Variants in RPUSD1 observed in about 807,000 individuals in gnomAD.
RPUSD1 encodes pseudouridylate synthase RPUSD1.
Under a neutral mutation model 22.4 loss-of-function variants are expected in RPUSD1, and 28 were observed. The ratio of observed to expected loss-of-function variants is 1.25; its 90% confidence interval spans 0.93 to 1.72. The LOEUF (loss-of-function observed/expected upper bound fraction) is 1.72. Among genes scored for constraint, RPUSD1 ranks in the 40% most tolerant of loss-of-function variants. The probability of loss-of-function intolerance (pLI) is 0.00; values close to 1 mark genes in which losing one functional copy is unlikely to be tolerated. For synonymous variants in RPUSD1, 298 were observed against 201.0 expected, an observed-to-expected ratio of 1.48 and a Z score of -4.08; for missense variants, 596 against 442.2, an observed-to-expected ratio of 1.35 and a Z score of -3.12.
chr16:787,840 T>C, intron 1 of RPUSD1, 96 bp from the exon 2 acceptor site: 1 of 1,350,148 alleles, frequency 7.4e-7, no homozygotes, highest in East Asian at 2.4e-5. Flanking sequence ...CGGGCTCCGG[T>C]GCGAAGCCAC....
chr16:785,919 G>A lies in RPUSD1; in HGVS notation c.*31C>T. ...CATCTCCCTAGAGTCCCGCTGTGCA[G>A]CTGACACCCCCTGCCCCAGCCCCAC... On this transcript the variant is annotated 3_prime_UTR_variant, in exon 6 of 6. Coordinates refer to ENST00000007264, the MANE Select transcript of RPUSD1 (RefSeq NM_058192.3). The A allele has an allele frequency of 1.4e-6, 2 of 1,422,136 alleles. No homozygotes were observed. The highest frequency in any genetic ancestry group is 1.8e-6 in the Non-Finnish European group (2 of 1,089,392). 88.1% of individuals were successfully genotyped at this position (1,422,136 alleles called of 1,614,324 possible).
In RPUSD1 at chr16:785,065, T is replaced by C. The variant is rs1261453096; in HGVS notation, c.*885A>G. 2 of 152,156 alleles carry C rather than the reference T, an allele frequency of 1.3e-5. No individual in the cohort carries two copies. The highest frequency in any genetic ancestry group is 4.8e-5 in the African/African-American group (2 of 41,368). 9.4% of individuals were successfully genotyped at this position (152,156 alleles called of 1,614,324 possible). A position where few individuals can be genotyped will look rare whatever the true frequency, so the allele number is the denominator to read the frequency against. The stretch of plus-strand genomic sequence containing the variant: ...GTTGTGGCATGGGGGACAGAGGAGG[T>C]GGGACCTGGCAGACCCACAGCTCCC... On this transcript the variant is annotated 3_prime_UTR_variant, in exon 6 of 6. Transcript: ENST00000007264.
In RPUSD1 at chr16:787,134, T is replaced by C. The variant is rs1024617692; in HGVS notation, c.352A>G (p.Ile118Val). The change falls in exon 4 of 6, where the codon ATT (isoleucine) becomes GTT (valine). Residue 118 changes from isoleucine (I) to valine (V), a missense_variant. Transcript: ENST00000007264. The stretch of plus-strand genomic sequence containing the variant: ...CGGCCCTCCGTGCTGTTCCTGCCAA[T>C]GGCATGGCTGATGGTTACCCGGCTC... Reference protein sequence around the residue: ...QESRVTISHAIGRNSTEGRAH... With the variant: ...QESRVTISHAVGRNSTEGRAH... The C allele has an allele frequency of 1.2e-6, 2 of 1,608,630 alleles. No individual in the cohort carries two copies. The highest frequency in any genetic ancestry group is 1.7e-6 in the Non-Finnish European group (2 of 1,179,600).
rs1336226258 is a variant in RPUSD1, at chr16:785,428, T to C, written c.*522A>G. 1 of 153,620 alleles carries C rather than the reference T, an allele frequency of 6.5e-6. No individual in the cohort carries two copies. The highest frequency in any genetic ancestry group is 6.5e-5 in the Admixed American group (1 of 15,340). The allele number at this position is 153,620 out of a possible 1,614,324, so 9.5% of individuals were successfully genotyped here. A position where few individuals can be genotyped will look rare whatever the true frequency, so the allele number is the denominator to read the frequency against. ...GGGCGACAGGATCTGCACAGAGCAG[T>C]GAGGGGCAGAGGACGCAGGGACCAG... On this transcript the variant is annotated 3_prime_UTR_variant, in exon 6 of 6. Coordinates refer to ENST00000007264, the MANE Select transcript of RPUSD1 (RefSeq NM_058192.3).
Position 786,910 on chromosome 16 carries a change from G to C in RPUSD1, c.428C>G (p.Pro143Arg). The C allele has an allele frequency of 6.2e-7, 1 of 1,613,110 alleles. No individual in the cohort carries two copies. Among genetic ancestry groups the C allele is most frequent in the Non-Finnish European group, 8.5e-7 (1 of 1,179,728 alleles). ...CAGAACCACGAGATCTGTGAGGCTT[G>C]GCTTTGGGTTCTCACAACCTGGGGC... The part of the protein sequence containing the change: ...EGSQGCENPK[P>R]SLTDLVVLEH... The change falls in exon 5 of 6, where the codon CCA becomes CGA. Residue 143 changes from proline (P) to arginine (R), a missense_variant. Physicochemically the swap from Pro to Arg is moderately radical, Grantham distance 103. Transcript: ENST00000007264.
rs976952982 is a variant in RPUSD1, at chr16:787,394, C to T, written c.266G>A (p.Cys89Tyr). ...NKAAAGSAYR[C>Y]FKERRVTKAY... ...CTTGGTCACGCGCCGCTCCTTGAAG[C>T]ACCTGTACGCGCTGCCGGCGGCTGC... The change falls in exon 3 of 6, where the codon TGC (cysteine) becomes TAC (tyrosine). Residue 89 changes from cysteine (C) to tyrosine (Y), a missense_variant. Physicochemically the swap from Cys to Tyr is radical, Grantham distance 194. Transcript: ENST00000007264. 1.3e-6 allele frequency: 2 copies of T among 1,589,634 alleles called. No individual in the cohort carries two copies. The highest frequency in any genetic ancestry group is 1.4e-5 in the African/African-American group (1 of 74,056).
chr16:786,109 A>G lies in RPUSD1; in HGVS notation c.780T>C (p.Pro260=). ...GCCTGGGGCCCCTATCCTCGGGGTCAGGGTCGGGGGTGGCCCGTAAGGCCT... is the reference window on the plus strand; with the variant it reads ...GCCTGGGGCCCCTATCCTCGGGGTCGGGGTCGGGGGTGGCCCGTAAGGCCT... ...LVQALRATPD[P]DPEDRGPRPG... is the part of the protein sequence containing the mutation. Residue 260 remains proline, a synonymous_variant, in exon 6 of 6, where the codon CCT becomes CCC. Transcript: ENST00000007264. 1 of 1,589,510 alleles carries G rather than the reference A, an allele frequency of 6.3e-7. No individual in the cohort carries two copies. Among genetic ancestry groups the G allele is most frequent in the East Asian group, 2.3e-5 (1 of 44,260 alleles).
Position 787,472 on chromosome 16 carries a change from C to G in RPUSD1, c.188G>C (p.Cys63Ser). 2 of 1,587,152 alleles carry G rather than the reference C, an allele frequency of 1.3e-6. No homozygotes were observed. Among genetic ancestry groups the G allele is most frequent in the Non-Finnish European group, 1.7e-6 (2 of 1,166,928 alleles). Reference protein sequence around the residue: ...DPDTCYGFRFCHQLDFSTSGA... With the variant: ...DPDTCYGFRFSHQLDFSTSGA... ...GCTGGTGGAGAAATCCAGCTGGTGG[C>G]AGAACCTGGAGTGGGACAGAGTCCA... The change falls in exon 3 of 6, where the codon TGC becomes TCC. Residue 63 changes from cysteine to serine, a missense_variant. Cys to Ser is a moderately radical substitution (Grantham distance 112). Coordinates refer to ENST00000007264, the MANE Select transcript of RPUSD1 (RefSeq NM_058192.3).
At chr16:786,503 T>C in intron 5 of RPUSD1, 126 bp from the exon 6 acceptor site, 1 of 921,530 alleles carries the variant, frequency 1.1e-6, no homozygotes, top group Non-Finnish European at 1.7e-6. Flanking sequence ...GGGGTGGAAC[T>C]CTCCCTGTCC....
Position 788,120 on chromosome 16 carries a change from T to C in RPUSD1, c.-8+136A>G, listed in dbSNP as rs1290564304. ...CACTACCAGGCCCGGCAGCCAGGTCTGCCCGCAGCGCGGGTTAGGGCTGGG... is the reference window on the plus strand; with the variant it reads ...CACTACCAGGCCCGGCAGCCAGGTCCGCCCGCAGCGCGGGTTAGGGCTGGG... On this transcript the variant is annotated intron_variant, in intron 1 of 5. Transcript: ENST00000007264. 8.6e-6 allele frequency: 4 copies of C among 464,268 alleles called. No homozygotes were observed. In the Admixed American group the frequency reaches 1.0e-4, roughly 12 times the overall value. 28.8% of individuals were successfully genotyped at this position (464,268 alleles called of 1,614,324 possible).
chr16:786,420 C>A, intron 5 of RPUSD1, 43 bp from the exon 6 acceptor site: 1 of 1,558,948 alleles, frequency 6.4e-7, no homozygotes, highest in Non-Finnish European at 8.7e-7. Flanking sequence ...GGAGCGGGGC[C>A]GATCCACACC....
intron 1 of RPUSD1, chr16:787,995 C>A: frequency 1.7e-6 from 1 of 571,888 alleles, no homozygotes; most frequent in Non-Finnish European, 3.1e-6. Context: ...AGAAAGAGCC[C>A]GTTCCAAACC....
At position 787,484 on chromosome 16, in the gene RPUSD1, T is replaced by A; in HGVS notation, c.183-7A>T. ...ATCCAGCTGGTGGCAGAACCTGGAG[T>A]GGGACAGAGTCCAGAGTCTGAGCCA... On this transcript the variant is annotated splice_region_variant and splice_polypyrimidine_tract_variant and intron_variant, in intron 2 of 5. Coordinates refer to ENST00000007264, the MANE Select transcript of RPUSD1 (RefSeq NM_058192.3). 6.3e-7 allele frequency: 1 copy of A among 1,588,764 alleles called. No individual in the cohort carries two copies. The highest frequency in any genetic ancestry group is 8.6e-7 in the Non-Finnish European group (1 of 1,167,912).
At position 785,759 on chromosome 16, in the gene RPUSD1, T is replaced by C; in HGVS notation, c.*191A>G. ...ACGGCCGCGGTGCGGTCGTCACCTG[T>C]GATCACGGCTGCCTGGCGCCCCCTG... On this transcript the variant is annotated 3_prime_UTR_variant, in exon 6 of 6. Coordinates refer to ENST00000007264, the MANE Select transcript of RPUSD1 (RefSeq NM_058192.3). The C allele has an allele frequency of 2.2e-6, 1 of 462,146 alleles. No homozygotes were observed. Among genetic ancestry groups the C allele is most frequent in the East Asian group, 3.4e-5 (1 of 29,012 alleles). The allele number at this position is 462,146 out of a possible 1,614,324, so 28.6% of individuals were successfully genotyped here. A position where few individuals can be genotyped will look rare whatever the true frequency, so the allele number is the denominator to read the frequency against.
chr16:788,196 G>A (rs1454120990), intron 1 of RPUSD1, 60 bp downstream of exon 1: 3 of 407,472 alleles, frequency 7.4e-6, no homozygotes, highest in Non-Finnish European at 9.5e-6. Context: ...CACAGGCCCG[G>A]TGGGCAGGCC....
chr16:785,834 G>A lies in RPUSD1; in HGVS notation c.*116C>T, dbSNP rs2151629730. On this transcript the variant is annotated 3_prime_UTR_variant, in exon 6 of 6. Transcript: ENST00000007264. ...GCAGGCCTGGCCGGGGCAACCCAGT[G>A]GGCCTGATGCTGCCTGGCACCTCGA... is the stretch of plus-strand genomic sequence containing the variant. 1 of 980,308 alleles carries A rather than the reference G, an allele frequency of 1.0e-6. No individual in the cohort carries two copies. The highest frequency in any genetic ancestry group is 1.7e-5 in the African/African-American group (1 of 59,606). 60.7% of individuals were successfully genotyped at this position (980,308 alleles called of 1,614,324 possible). A position where few individuals can be genotyped will look rare whatever the true frequency, so the allele number is the denominator to read the frequency against.
rs369701045 is a variant in RPUSD1, at chr16:786,381, C to T, written c.512-4G>A. 1.1e-5 allele frequency: 17 copies of T among 1,600,720 alleles called. No homozygotes were observed. Among genetic ancestry groups the T allele is most frequent in the South Asian group, 4.4e-5 (4 of 90,564 alleles). ...ACGCGCAGCTGGTGTGTCCGGCCTGCGGGATGAGGGCGGTGCCGGATCAAG... is the reference window on the plus strand; with the variant it reads ...ACGCGCAGCTGGTGTGTCCGGCCTGTGGGATGAGGGCGGTGCCGGATCAAG... On this transcript the variant is annotated splice_region_variant and splice_polypyrimidine_tract_variant and intron_variant, in intron 5 of 5. Coordinates refer to ENST00000007264, the MANE Select transcript of RPUSD1 (RefSeq NM_058192.3).
At position 786,906 on chromosome 16, in the gene RPUSD1, G is replaced by T; in HGVS notation, c.432C>A (p.Ser144Arg). 1 of 1,613,268 alleles carries T rather than the reference G, an allele frequency of 6.2e-7. No individual in the cohort carries two copies. Residue 144 changes from serine (S) to arginine (R), a missense_variant, in exon 5 of 6, where the codon AGC (serine) becomes AGA (arginine). By Grantham distance (110) the Ser-to-Arg change is moderately radical. Coordinates refer to ENST00000007264, the MANE Select transcript of RPUSD1 (RefSeq NM_058192.3). ...GTTCCAGAACCACGAGATCTGTGAGGCTTGGCTTTGGGTTCTCACAACCTG... is the reference window on the plus strand; with the variant it reads ...GTTCCAGAACCACGAGATCTGTGAGTCTTGGCTTTGGGTTCTCACAACCTG... The part of the protein sequence containing the change: ...GSQGCENPKP[S>R]LTDLVVLEHG...
chr16:788,019 C>G, intron 1 of RPUSD1: 1 of 553,620 alleles, frequency 1.8e-6, no homozygotes, highest in Non-Finnish European at 3.3e-6. Context: ...CCCACAGATC[C>G]TCCCCACAGA....
Sources: gnomAD v4.1 joint callset for allele counts on GRCh38, gnomAD v4.1.1 for gene constraint, MANE v1.5 for transcripts, NCBI Gene and HGNC (gene_info 2026-07-23, HGNC 2026-07-21) for gene names.